TNS1: variants seen among roughly 807,000 people sequenced by gnomAD.
The protein encoded by TNS1 is tensin-1.
A neutral mutation model predicts 168.6 loss-of-function variants in TNS1; 62 were observed. The ratio of observed to expected loss-of-function variants is 0.37; its 90% CI spans 0.30 to 0.45. The LOEUF is 0.45. Ranked by LOEUF, TNS1 falls within the 20% of genes least tolerant of loss-of-function variation. The pLI is 1.00. For synonymous variants in TNS1, 934 were observed against 933.2 expected (o/e 1.00, Z -0.02); for missense variants, 2,240 against 2,339.4 (o/e 0.96, Z 0.88).
chr2:217,913,174 C>T (rs777405921), intron 4 of TNS1, among the ~76,000 whole-genome samples: 1 of 152,166 alleles, frequency 6.6e-6, no homozygotes, highest in Non-Finnish European at 1.5e-5. Context: ...AGTATATCTG[C>T]TCAGTTGCTC....
chr2:217,964,596 G>C (rs1957577540), intron 3 of TNS1, among the ~76,000 whole-genome samples: 1 of 152,188 alleles, frequency 6.6e-6, no homozygotes, highest in African/African-American at 2.4e-5. Context: ...GTGTGTGCTA[G>C]GATATAGGAG....
At chr2:217,840,513 G>A (rs1199875153) in intron 19 of TNS1, among the ~76,000 whole-genome samples, 1 of 152,260 alleles carries the variant, frequency 6.6e-6, no homozygotes, top group African/African-American at 2.4e-5. Context: ...CTTGCCCAAG[G>A]TCACAGAGGT....
chr2:217,879,247 A>T (rs1393123603), intron 18 of TNS1: 5 of 307,214 alleles, frequency 1.6e-5, no homozygotes, highest in Non-Finnish European at 3.2e-5. Context: ...TACATTTATC[A>T]TCGCATTGAC....
At chr2:217,893,705 A>G in intron 9 of TNS1, 144 bp from the exon 10 acceptor site, 1 of 1,218,172 alleles carries the variant, frequency 8.2e-7, no homozygotes, top group Non-Finnish European at 1.1e-6. Context: ...CTCCCTGCCC[A>G]CTGGCCAGCG....
intron 18 of TNS1, among the ~76,000 whole-genome samples, chr2:217,857,520 C>T (rs1194784488): frequency 1.3e-5 from 2 of 152,188 alleles, no homozygotes; most frequent in Admixed American, 6.5e-5. Context: ...TTCTGTCAAG[C>T]GATGATGATA....
chr2:217,836,272 G>A (rs1051942662), intron 19 of TNS1, 61 bp from the exon 20 acceptor site: 33 of 1,503,174 alleles, frequency 2.2e-5, no homozygotes, highest in Non-Finnish European at 2.5e-5. Flanking sequence ...TGATCAATCG[G>A]CCTAATCCCA....
intron 21 of TNS1, among the ~76,000 whole-genome samples, 159 bp from the exon 22 acceptor site, chr2:217,831,706 C>T (rs1232785651): frequency 1.3e-5 from 2 of 152,136 alleles, no homozygotes; most frequent in Non-Finnish European, 2.9e-5. Flanking sequence ...TGCCCTTTCC[C>T]GCCTCCGTAT....
chr2:218,018,052 T>C (rs1417088288), intron 1 of TNS1, among the ~76,000 whole-genome samples: 4 of 152,098 alleles, frequency 2.6e-5, no homozygotes, highest in Non-Finnish European at 4.4e-5. Context: ...AATGGAGGCA[T>C]ATGAAGAGGC....
At chr2:217,956,536 T>C (rs372031800) in intron 3 of TNS1, among the ~76,000 whole-genome samples, 5 of 152,194 alleles carry the variant, frequency 3.3e-5, no homozygotes, top group Non-Finnish European at 7.4e-5. Context: ...TGGAAAGTCC[T>C]GTGGGATCCT....
intron 23 of TNS1, among the ~76,000 whole-genome samples, chr2:217,820,372 T>G (rs1399486165): frequency 6.6e-6 from 1 of 152,156 alleles, no homozygotes; most frequent in Non-Finnish European, 1.5e-5. Context: ...GAGTCAGGCC[T>G]CCTGAGCAAC....
At chr2:217,893,400 G>GCGCGCA (rs58297965) in intron 10 of TNS1, 39 bp downstream of exon 10, 585 of 1,462,142 alleles carry the variant, frequency 4.0e-4, no homozygotes, top group East Asian at 2.3e-3. Context: ...GTGCGCGCGC[G>GCGCGCA]CACACACACA....
At chr2:217,892,799 G>A (rs1951868204) in intron 11 of TNS1, 149 bp downstream of exon 11, 1 of 803,024 alleles carries the variant, frequency 1.2e-6, no homozygotes. Context: ...CTGCCTCAGA[G>A]CCAGGGGCCC....
chr2:217,822,495 T>C (rs1430854748), intron 22 of TNS1, among the ~76,000 whole-genome samples: 1 of 152,160 alleles, frequency 6.6e-6, no homozygotes, highest in Non-Finnish European at 1.5e-5. Context: ...GCCCCTTTGA[T>C]GCCAAGACAC....
intron 3 of TNS1, among the ~76,000 whole-genome samples, chr2:217,928,785 T>C (rs1251951326): frequency 6.6e-6 from 1 of 152,006 alleles, no homozygotes; most frequent in Non-Finnish European, 1.5e-5. Context: ...CTCTTCCATT[T>C]CCTCTTCTTG....
chr2:217,807,854 AG>A (rs1469242133), intron 32 of TNS1, among the ~76,000 whole-genome samples: 1 of 152,194 alleles, frequency 6.6e-6, no homozygotes, highest in Admixed American at 6.5e-5. Context: ...GGGAGAGTGA[AG>A]GCAGCTGGAC....
rs181295117 is a variant in TNS1 at position 217,847,951 on chromosome 2, A to T, written c.2566T>A (p.Ser856Thr). 2.3e-4 allele frequency: 349 copies of T among 1,509,346 alleles called. 2 individuals carry two copies. The East Asian group carries it at 7.7e-3, about 33-fold the overall frequency. 93.5% of individuals were successfully genotyped at this position (1,509,346 alleles called of 1,614,324 possible). A position where few individuals can be genotyped will look rare whatever the true frequency, so the allele number is the denominator to read the frequency against. ...PASAAAPLHK[S>T]QSVPGAWPGA... ...GGCCAGGCCCCGGGGACACTCTGGG[A>T]CTTGTGTAGTGGGGCAGCAGCGGAG... Residue 856 changes from serine to threonine, a missense_variant, in exon 19 of 33, where the codon TCC (serine) becomes ACC (threonine). By Grantham distance (58) the Ser-to-Thr change is moderately conservative. Transcript: ENST00000682258.
At chr2:217,949,324 G>A (rs1379916155) in intron 3 of TNS1, among the ~76,000 whole-genome samples, 1 of 152,246 alleles carries the variant, frequency 6.6e-6, no homozygotes, top group Non-Finnish European at 1.5e-5. Flanking sequence ...TTTTAAAGCA[G>A]GAAGGACCCT....
rs185151324 is a variant in TNS1, at chr2:217,834,909, G to A, written c.3280+182C>T. ...CTTAGATGTGTGAGTGTGGACGACG[G>A]AGAAGACAATGGCCACAAGCAATGG... is the stretch of plus-strand genomic sequence containing the variant. On this transcript the variant is annotated intron_variant, in intron 21 of 32. Transcript: ENST00000682258. Among the ~76,000 whole-genome samples, 19 of 152,308 alleles carry A rather than the reference G, an allele frequency of 1.2e-4. No individual in the cohort carries two copies. In the East Asian group the frequency reaches 3.7e-3, roughly 29 times the overall value.
Position 217,818,422 on chromosome 2 carries a change from T to C in TNS1, c.3910A>G (p.Ile1304Val). ...PPSPGFGWRA[I>V]NPSMAAPSSP... ...CTGGGGGCAGCCATGCTGGGATTGA[T>C]GGCCCGCCAGCCGAAGCCAGGACTA... The change falls in exon 24 of 33, where the codon ATC becomes GTC. Residue 1304 changes from isoleucine to valine, a missense_variant. Coordinates refer to ENST00000682258, the MANE Select transcript of TNS1 (RefSeq NM_001387777.1). The C allele has an allele frequency of 6.2e-7, 1 of 1,614,066 alleles. No homozygotes were observed. Among genetic ancestry groups the C allele is most frequent in the East Asian group, 2.2e-5 (1 of 44,882 alleles).
Sources: gnomAD v4.1 joint callset for allele counts (sites outside exome capture counted in the v4.1 genomes callset) on GRCh38, gnomAD v4.1.1 for gene constraint, MANE v1.5 for transcripts, NCBI Gene and HGNC (gene_info 2026-07-23, HGNC 2026-07-21) for gene names.